Variants in MSN observed in about 807,000 individuals in gnomAD.
MSN encodes the protein moesin, also known as epididymis luminal protein 70.
Under a neutral mutation model 48.0 loss-of-function variants are expected in MSN, and 2 were observed. That is an observed-to-expected ratio of 0.04 (90% CI 0.02 to 0.13). The LOEUF (loss-of-function observed/expected upper bound fraction) is 0.13, where lower values mean the gene tolerates loss of function less well. MSN is among the 10% of genes least tolerant of loss of function. MSN has a pLI of 1.00. For synonymous variants in MSN, 146 were observed against 166.9 expected (o/e 0.87, Z 0.97); for missense variants, 267 against 470.1 (o/e 0.57, Z 3.99).
intron 1 of MSN, among the ~76,000 whole-genome samples, chrX:65,624,213 G>A (rs912232036): frequency 9.2e-6 from 1 of 109,236 alleles, no homozygotes; most frequent in African/African-American, 3.4e-5. Context: ...CAAGTAGCTG[G>A]GATTACAGGC....
In MSN at chrX:65,737,233, C is replaced by G. The variant is rs149215829; in HGVS notation, c.1146C>G (p.Ala382=). The change falls in exon 10 of 13, where the codon GCC becomes GCG. Residue 382 remains alanine (A), a synonymous_variant. Transcript: ENST00000360270. ...ALELEQERKR[A]QSEAEKLAKE... ...AACTTGAGCAGGAACGGAAGCGTGC[C>G]CAGAGCGAGGCTGAAAAGCTGGCCA... is the stretch of plus-strand genomic sequence containing the variant. 3.2e-4 allele frequency: 386 copies of G among 1,207,493 alleles called. No homozygotes were observed. The African/African-American group carries it at 4.4e-3, about 14-fold the overall frequency.
At chrX:65,649,605 T>A (rs200943251) in intron 1 of MSN, among the ~76,000 whole-genome samples, 8 of 98,404 alleles carry the variant, frequency 8.1e-5, no homozygotes, top group African/African-American at 2.6e-4. Flanking sequence ...ATATATATAT[T>A]TGTGTGTGTG....
In MSN at chrX:65,702,664, TAAAAC is replaced by T. The variant is rs761857454; in HGVS notation, c.13-14129_13-14125del. Among the ~76,000 whole-genome samples the T allele has an allele frequency of 7.4e-3, 806 of 109,011 alleles. 4 individuals are homozygous for T. The highest frequency in any genetic ancestry group is 0.013 in the Non-Finnish European group (664 of 52,837). 94.7% of individuals were successfully genotyped at this position (109,011 alleles called of 115,157 possible). A position where few individuals can be genotyped will look rare whatever the true frequency, so the allele number is the denominator to read the frequency against. ...CTGGGTGACAGAGTGAGACTCTGTC[TAAAAC>T]AAAACAAAACAAAACAAAACAAAAA... is the stretch of plus-strand genomic sequence containing the variant. On this transcript the variant is annotated intron_variant, in intron 1 of 12. Transcript: ENST00000360270.
chrX:65,733,072 A>AAG (rs113973416), intron 6 of MSN, 112 bp from the exon 7 acceptor site: 6 of 499,379 alleles, frequency 1.2e-5, no homozygotes, highest in Non-Finnish European at 1.6e-5. Context: ...AAAAAAAAAA[A>AAG]AGAGAGAGAG....
chrX:65,624,874 AAAGG>A (rs770933336), intron 1 of MSN: 100 of 110,483 alleles, frequency 9.1e-4, no homozygotes, highest in African/African-American at 2.5e-3. Flanking sequence ...AGGAAGGAAG[AAAGG>A]AAGGAAGGAA....
chrX:65,618,480 T>C (rs905413648), intron 1 of MSN, among the ~76,000 whole-genome samples: 12 of 111,484 alleles, frequency 1.1e-4, no homozygotes, highest in African/African-American at 3.9e-4. Context: ...TTTGTCTCTT[T>C]TGATCTTTGT....
At chrX:65,609,830 C>T (rs777569384) in intron 1 of MSN, among the ~76,000 whole-genome samples, 5 of 110,370 alleles carry the variant, frequency 4.5e-5, no homozygotes, top group African/African-American at 1.3e-4. Context: ...TTGCAATGAG[C>T]TGAGATCACA....
rs1431417207 is a variant in MSN at position 65,636,763 on chromosome X, A to AAAC, written c.-22+48153_-22+48154insCAA. On this transcript the variant is annotated intron_variant, in intron 1 of 3. Transcript: ENST00000609672. Reference sequence around the variant, plus strand: ...ACTCCATCTCAAAAAAAAAAAAAAAAAAAAAAAAAAACCAGAAAGAAAGAA... The same window carrying AAAC: ...ACTCCATCTCAAAAAAAAAAAAAAAAAACAAAAAAAAAAACCAGAAAGAAAGAA... Among the ~76,000 whole-genome samples the AAAC allele has an allele frequency of 3.4e-4, 35 of 101,493 alleles. 1 individual carries two copies. Among genetic ancestry groups the AAAC allele is most frequent in the African/African-American group, 1.3e-3 (35 of 27,260 alleles). 88.1% of individuals were successfully genotyped at this position (101,493 alleles called of 115,157 possible). A position where few individuals can be genotyped will look rare whatever the true frequency, so the allele number is the denominator to read the frequency against.
At chrX:65,592,983 A>G (rs989107926) in intron 1 of MSN, among the ~76,000 whole-genome samples, 7 of 111,526 alleles carry the variant, frequency 6.3e-5, no homozygotes, top group African/African-American at 1.3e-4. Flanking sequence ...GGAGGTTGCA[A>G]TGAGCCTAGA....
intron 1 of MSN, among the ~76,000 whole-genome samples, chrX:65,685,585 G>A (rs774777061): frequency 9.0e-6 from 1 of 111,704 alleles, no homozygotes; most frequent in Non-Finnish European, 1.9e-5. Context: ...TAGCATCACT[G>A]AAGTTTTTGT....
At chrX:65,628,865 G>A (rs1431849320) in intron 1 of MSN, among the ~76,000 whole-genome samples, 1 of 109,572 alleles carries the variant, frequency 9.1e-6, no homozygotes, top group Non-Finnish European at 1.9e-5. Context: ...AAGAGTTTGA[G>A]ACCAGCCTGG....
chrX:65,714,195 A>G (rs1174563350), intron 1 of MSN, among the ~76,000 whole-genome samples: 1 of 111,905 alleles, frequency 8.9e-6, no homozygotes, highest in Non-Finnish European at 1.9e-5. Context: ...ACTAACATAC[A>G]TTTTCTTTAT....
rs901339827 is a variant in MSN at position 65,667,681 on chromosome X, G to C, written c.-161G>C. On this transcript the variant is annotated 5_prime_UTR_variant, in exon 1 of 13. Coordinates refer to ENST00000360270, the MANE Select transcript of MSN (RefSeq NM_002444.3). ...CTCTTTCCTGGGTGGGGTTTGTGAA[G>C]TCGTGGCCCGTTAGCAGGAAGCCTA... The C allele has an allele frequency of 3.6e-5, 40 of 1,096,131 alleles. No individual in the cohort carries two copies. Among genetic ancestry groups the C allele is most frequent in the Non-Finnish European group, 4.8e-5 (40 of 832,234 alleles). The allele number at this position is 1,096,131 out of a possible 1,213,427, so 90.3% of individuals were successfully genotyped here.
At chrX:65,690,120 T>G (rs981601303) in intron 1 of MSN, among the ~76,000 whole-genome samples, 1 of 111,283 alleles carries the variant, frequency 9.0e-6, no homozygotes, top group Non-Finnish European at 1.9e-5. Flanking sequence ...ATTAATTGGT[T>G]TGGGTTAAGG....
At chrX:65,734,821 T>C (rs1236169739) in intron 7 of MSN, among the ~76,000 whole-genome samples, 3 of 111,509 alleles carry the variant, frequency 2.7e-5, no homozygotes, top group African/African-American at 3.3e-5. Context: ...TTTTAGGAGA[T>C]TGTAGAAACA....
chrX:65,672,803 T>G (rs1473520502), intron 1 of MSN, among the ~76,000 whole-genome samples: 1 of 111,630 alleles, frequency 9.0e-6, no homozygotes, highest in Non-Finnish European at 1.9e-5. Context: ...GTACTGATGT[T>G]TTTGAGAATC....
At chrX:65,634,607 G>A (rs963944802) in intron 1 of MSN, among the ~76,000 whole-genome samples, 9 of 110,050 alleles carry the variant, frequency 8.2e-5, no homozygotes, top group Non-Finnish European at 1.1e-4. Flanking sequence ...AGCCAGACTC[G>A]GTCTCAAAAT....
chrX:65,656,265 C>CTGTG (rs3087113), intron 1 of MSN, among the ~76,000 whole-genome samples: 1,017 of 92,834 alleles, frequency 0.011, 25 homozygotes, highest in Middle Eastern at 0.027. Flanking sequence ...AGATCTATGC[C>CTGTG]TGTGTGTGTG....
intron 1 of MSN, among the ~76,000 whole-genome samples, chrX:65,703,029 T>G (rs1276429068): frequency 1.8e-5 from 2 of 111,980 alleles, no homozygotes; most frequent in Admixed American, 9.5e-5. Flanking sequence ...GTAATCACCT[T>G]TTAGTTTTCC....
Sources: gnomAD v4.1 joint callset for allele counts (sites outside exome capture counted in the v4.1 genomes callset) on GRCh38, gnomAD v4.1.1 for gene constraint, MANE v1.5 for transcripts, NCBI Gene and HGNC (gene_info 2026-07-23, HGNC 2026-07-21) for gene names.